YPEL1: variants seen among roughly 807,000 people sequenced by gnomAD.
YPEL1 encodes the protein protein yippee-like 1.
Under a neutral mutation model 17.3 loss-of-function variants are expected in YPEL1, and 7 were observed. The ratio of observed to expected loss-of-function variants is 0.40; its 90% CI spans 0.23 to 0.76. YPEL1 has a LOEUF of 0.76. Among genes scored for constraint, YPEL1 ranks in the 30% least tolerant of loss-of-function variants. YPEL1 has a pLI of 0.35. For synonymous variants in YPEL1, 59 were observed against 59.6 expected, an observed-to-expected ratio of 0.99 and a Z score of 0.05; for missense variants, 91 against 155.5, an observed-to-expected ratio of 0.59 and a Z score of 2.21.
intron 2 of YPEL1, among the ~76,000 whole-genome samples, chr22:21,708,877 C>T (rs1193763424): frequency 2.0e-5 from 3 of 151,406 alleles, no homozygotes; most frequent in African/African-American, 7.3e-5. Context: ...CCATGTTGGT[C>T]AGGCTGGTCT....
chr22:21,733,851 G>A (rs963054388), intron 1 of YPEL1, among the ~76,000 whole-genome samples: 8 of 152,216 alleles, frequency 5.3e-5, no homozygotes, highest in African/African-American at 1.9e-4. Flanking sequence ...CACAGGTGCT[G>A]GTGGAACTTA....
At chr22:21,722,663 G>A (rs1469224367) in intron 1 of YPEL1, among the ~76,000 whole-genome samples, 1 of 151,840 alleles carries the variant, frequency 6.6e-6, no homozygotes, top group Non-Finnish European at 1.5e-5. Flanking sequence ...CAAGGGTTTT[G>A]TTTATTTTGA....
chr22:21,733,322 C>T (rs1478995076), intron 1 of YPEL1, among the ~76,000 whole-genome samples: 4 of 151,906 alleles, frequency 2.6e-5, no homozygotes, highest in Non-Finnish European at 5.9e-5. Flanking sequence ...GAGGCTGAGA[C>T]AGGAGAATCG....
At chr22:21,720,210 T>C (rs2068267886) in intron 1 of YPEL1, among the ~76,000 whole-genome samples, 1 of 148,670 alleles carries the variant, frequency 6.7e-6, no homozygotes, top group Non-Finnish European at 1.5e-5. Context: ...CAGTATCACT[T>C]TTTTGTGTGT....
chr22:21,712,546 G>A (rs1057449209), intron 1 of YPEL1, among the ~76,000 whole-genome samples: 4 of 151,676 alleles, frequency 2.6e-5, no homozygotes, highest in South Asian at 2.1e-4. Context: ...TCAACATGGC[G>A]AAACCCCGTC....
Position 21,710,799 on chromosome 22 carries a change from C to T in YPEL1, c.-55G>A. Reference sequence around the variant, plus strand: ...GGCTGGTTCTGGAAGAACCGTGGCTCTGCTGGCCTCTCTGACAAAAGCAAC... The same window carrying T: ...GGCTGGTTCTGGAAGAACCGTGGCTTTGCTGGCCTCTCTGACAAAAGCAAC... On this transcript the variant is annotated 5_prime_UTR_variant, in exon 2 of 5. Coordinates refer to ENST00000339468, the MANE Select transcript of YPEL1 (RefSeq NM_013313.5). 3 of 1,487,104 alleles carry T rather than the reference C, an allele frequency of 2.0e-6. No homozygotes were observed. The highest frequency in any genetic ancestry group is 2.8e-6 in the Non-Finnish European group (3 of 1,064,696). The allele number at this position is 1,487,104 out of a possible 1,614,324, so 92.1% of individuals were successfully genotyped here. A position where few individuals can be genotyped will look rare whatever the true frequency, so the allele number is the denominator to read the frequency against.
chr22:21,731,033 C>T (rs1043046185), intron 1 of YPEL1, among the ~76,000 whole-genome samples: 2 of 152,048 alleles, frequency 1.3e-5, no homozygotes, highest in African/African-American at 4.8e-5. Flanking sequence ...CAAAGTTTCC[C>T]ACAACCAAGG....
intron 1 of YPEL1, among the ~76,000 whole-genome samples, chr22:21,722,192 G>A (rs982428685): frequency 6.6e-5 from 10 of 152,176 alleles, no homozygotes; most frequent in Admixed American, 2.6e-4. Context: ...GCCAAGGCAG[G>A]CAGATCACAA....
chr22:21,705,743 GAGGCAGGAGGA>G (rs1416841237), intron 2 of YPEL1, among the ~76,000 whole-genome samples: 123 of 152,316 alleles, frequency 8.1e-4, no homozygotes, highest in African/African-American at 2.9e-3. Flanking sequence ...AAAACGGGCT[GAGGCAGGAGGA>G]TTGCTTGAGC....
intron 1 of YPEL1, among the ~76,000 whole-genome samples, chr22:21,711,709 T>C (rs1245381953): frequency 2.0e-5 from 3 of 152,176 alleles, no homozygotes; most frequent in Non-Finnish European, 2.9e-5. Context: ...TAACACCGTA[T>C]ACAAATTAAC....
intron 1 of YPEL1, among the ~76,000 whole-genome samples, chr22:21,733,830 C>T (rs2068411696): frequency 6.6e-6 from 1 of 152,208 alleles, no homozygotes; most frequent in Non-Finnish European, 1.5e-5. Context: ...TCCTGCATCC[C>T]TGCCCCTTGA....
chr22:21,710,858 A>G lies in YPEL1; in HGVS notation c.-114T>C. ...ATGCACGCAAGAGCCGTCGTTGTCC[A>G]GGAGGGCGTGTGGCACTGTCCACAC... On this transcript the variant is annotated 5_prime_UTR_variant, in exon 2 of 5. Coordinates refer to ENST00000339468, the MANE Select transcript of YPEL1 (RefSeq NM_013313.5). 1.1e-6 allele frequency: 1 copy of G among 929,668 alleles called. No homozygotes were observed. Among genetic ancestry groups the G allele is most frequent in the Non-Finnish European group, 1.8e-6 (1 of 566,464 alleles). 57.6% of individuals were successfully genotyped at this position (929,668 alleles called of 1,614,324 possible).
At chr22:21,702,986 T>G (rs529143423) in intron 4 of YPEL1, among the ~76,000 whole-genome samples, 2 of 152,328 alleles carry the variant, frequency 1.3e-5, no homozygotes, top group South Asian at 4.1e-4. Context: ...GGTCTGGCGC[T>G]GAGGTCTTCT....
intron 2 of YPEL1, among the ~76,000 whole-genome samples, chr22:21,708,357 A>T (rs2068133446): frequency 9.0e-6 from 1 of 111,332 alleles, no homozygotes; most frequent in Non-Finnish European, 1.8e-5. Context: ...TTTTTTTGAG[A>T]CAGAGTCTTA....
At chr22:21,732,858 C>T (rs900374744) in intron 1 of YPEL1, among the ~76,000 whole-genome samples, 1 of 152,012 alleles carries the variant, frequency 6.6e-6, no homozygotes, top group African/African-American at 2.4e-5. Flanking sequence ...CCCAACACAT[C>T]GGGAGGCTGA....
intron 1 of YPEL1, among the ~76,000 whole-genome samples, chr22:21,717,511 G>A (rs1601634935): frequency 1.3e-5 from 2 of 152,048 alleles, no homozygotes; most frequent in Non-Finnish European, 2.9e-5. Context: ...GGGTAGAGGC[G>A]CTTTGTGAAT....
Position 21,699,261 on chromosome 22 carries a change from C to T in YPEL1, c.*1868G>A, listed in dbSNP as rs2068039292. ...ACTCTTGCCCCTAGACTAGCCTTGTCTGAAGGCAGCTTCAGAGCCACTTGC... is the reference window on the plus strand; with the variant it reads ...ACTCTTGCCCCTAGACTAGCCTTGTTTGAAGGCAGCTTCAGAGCCACTTGC... On this transcript the variant is annotated 3_prime_UTR_variant, in exon 5 of 5. Coordinates refer to ENST00000339468, the MANE Select transcript of YPEL1 (RefSeq NM_013313.5). The T allele has an allele frequency of 6.6e-6, 1 of 152,460 alleles. No homozygotes were observed. Among genetic ancestry groups the T allele is most frequent in the Non-Finnish European group, 1.5e-5 (1 of 68,090 alleles). The allele number at this position is 152,460 out of a possible 1,614,324, so 9.4% of individuals were successfully genotyped here.
rs200298559 is a variant in YPEL1 at position 21,698,223 on chromosome 22, C to T, written c.*2906G>A. The T allele has an allele frequency of 5.1e-5, 5 of 97,340 alleles. No individual in the cohort carries two copies. Among genetic ancestry groups the T allele is most frequent in the African/African-American group, 2.2e-4 (5 of 22,234 alleles). The allele number at this position is 97,340 out of a possible 1,614,324, so 6.0% of individuals were successfully genotyped here. A position where few individuals can be genotyped will look rare whatever the true frequency, so the allele number is the denominator to read the frequency against. On this transcript the variant is annotated 3_prime_UTR_variant, in exon 5 of 5. Transcript: ENST00000339468. ...GAGCTTGTATTTTGCAGAAGCCCAA[C>T]AAAAAAAAAGTGATAAAAGTGTTGT... is the stretch of plus-strand genomic sequence containing the variant.
intron 1 of YPEL1, among the ~76,000 whole-genome samples, chr22:21,731,271 C>T (rs998482438): frequency 1.3e-5 from 2 of 150,986 alleles, no homozygotes; most frequent in African/African-American, 2.4e-5. Flanking sequence ...CCCAGCTACT[C>T]GGGAGGCTGA....
Sources: gnomAD v4.1 joint callset for allele counts (sites outside exome capture counted in the v4.1 genomes callset) on GRCh38, gnomAD v4.1.1 for gene constraint, MANE v1.5 for transcripts, NCBI Gene and HGNC (gene_info 2026-07-23, HGNC 2026-07-21) for gene names.